Variants in SMCO4 observed in about 807,000 individuals in gnomAD.
SMCO4 encodes the protein single-pass membrane and coiled-coil domain-containing protein 4.
SMCO4 carries 4 observed loss-of-function variants against 3.6 expected under a neutral mutation model. The ratio of observed to expected loss-of-function variants is 1.11; its 90% CI spans 0.54 to 2.53. The LOEUF is 2.53. Among genes scored for constraint, SMCO4 ranks in the 30% most tolerant of loss-of-function variants. SMCO4 has a pLI of 0.02. For missense variants in SMCO4, 70 were observed against 80.8 expected, an observed-to-expected ratio of 0.87 and a Z score of 0.51; for synonymous variants, 36 against 35.3, an observed-to-expected ratio of 1.02 and a Z score of -0.07.
chr11:93,524,030 C>T (rs1247992727), intron 1 of SMCO4, among the ~76,000 whole-genome samples: 1 of 152,154 alleles, frequency 6.6e-6, no homozygotes, highest in Non-Finnish European at 1.5e-5. Flanking sequence ...TACTAATGCC[C>T]TTCAGGGGAG....
intron 1 of SMCO4, among the ~76,000 whole-genome samples, chr11:93,518,677 G>A (rs1949030881): frequency 6.6e-6 from 1 of 152,186 alleles, no homozygotes; most frequent in Non-Finnish European, 1.5e-5. Context: ...AATCCAAACA[G>A]TACACTTCTA....
intron 2 of SMCO4, among the ~76,000 whole-genome samples, chr11:93,486,359 G>A (rs1215671859): frequency 6.6e-6 from 1 of 152,122 alleles, no homozygotes; most frequent in Non-Finnish European, 1.5e-5. Context: ...TGGACCAATG[G>A]GACACAGATC....
chr11:93,540,501 G>A (rs747186982), intron 1 of SMCO4, among the ~76,000 whole-genome samples: 9 of 152,192 alleles, frequency 5.9e-5, no homozygotes, highest in Non-Finnish European at 8.8e-5. Flanking sequence ...TAGGGAGCCC[G>A]TTAAGAGTTT....
At chr11:93,497,800 G>A (rs762939635) in intron 2 of SMCO4, among the ~76,000 whole-genome samples, 7 of 152,184 alleles carry the variant, frequency 4.6e-5, no homozygotes, top group Admixed American at 1.3e-4. Context: ...AAAATCTGCC[G>A]ACGTGTGTCA....
intron 1 of SMCO4, among the ~76,000 whole-genome samples, chr11:93,503,070 T>A (rs900564097): frequency 3.9e-5 from 6 of 152,044 alleles, no homozygotes; most frequent in Admixed American, 3.9e-4. Flanking sequence ...GGCTCCAGAG[T>A]CCATTGTCTA....
At chr11:93,487,976 GC>G (rs796981805) in intron 2 of SMCO4, among the ~76,000 whole-genome samples, 1 of 152,246 alleles carries the variant, frequency 6.6e-6, no homozygotes, top group African/African-American at 2.4e-5. Flanking sequence ...AACAAAACAA[GC>G]AAAAATGTTG....
chr11:93,552,487 T>TTATTATTA, the SMCO4 span, among the ~76,000 whole-genome samples: 1 of 78,808 alleles, frequency 1.3e-5, no homozygotes, highest in Non-Finnish European at 3.0e-5. Flanking sequence ...TATTATTATT[T>TTATTATTA]TTGAGACAGA....
chr11:93,489,795 C>T (rs993929015), intron 2 of SMCO4, among the ~76,000 whole-genome samples: 7 of 150,530 alleles, frequency 4.7e-5, no homozygotes, highest in Non-Finnish European at 7.4e-5. Context: ...CCCCCCACAC[C>T]TCTCCCCCTC....
upstream of SMCO4, among the ~76,000 whole-genome samples, chr11:93,546,521 C>G (rs1309328325): frequency 6.6e-6 from 1 of 152,118 alleles, no homozygotes; most frequent in Admixed American, 6.5e-5. Flanking sequence ...CACGAAACAT[C>G]AGAGATGGAG....
chr11:93,535,082 C>T (rs948260768), intron 1 of SMCO4, among the ~76,000 whole-genome samples: 1 of 152,340 alleles, frequency 6.6e-6, no homozygotes, highest in East Asian at 1.9e-4. Flanking sequence ...CCCCAGTCTC[C>T]AATCCACGCC....
At position 93,535,089 on chromosome 11, in the gene SMCO4, C is replaced by T. The variant is rs144781958; in HGVS notation, c.-154+8187G>A. On this transcript the variant is annotated intron_variant, in intron 1 of 2. Transcript: ENST00000298966. ...GTGCCCCTCCCCAGTCTCCAATCCACGCCTCAGCAGCACAGGACAGACTGA... is the reference window on the plus strand; with the variant it reads ...GTGCCCCTCCCCAGTCTCCAATCCATGCCTCAGCAGCACAGGACAGACTGA... Among the ~76,000 whole-genome samples, 148 of 152,322 alleles carry T rather than the reference C, an allele frequency of 9.7e-4. 1 individual carries two copies. The East Asian group carries it at 0.021, about 22-fold the overall frequency.
At position 93,478,713 on chromosome 11, in the gene SMCO4, G is replaced by GCACACACACACACACACACA. The variant is rs58177836; in HGVS notation, c.*277_*296dup. 1 of 222,464 alleles carries GCACACACACACACACACACA rather than the reference G, an allele frequency of 4.5e-6. No homozygotes were observed. The highest frequency in any genetic ancestry group is 7.9e-6 in the Non-Finnish European group (1 of 125,966). 13.8% of individuals were successfully genotyped at this position (222,464 alleles called of 1,614,324 possible). ...ATCGATTTTTAGGAGAGAAAAAGAA[G>GCACACACACACACACACACA]CACACACACACACACACACACACAC... is the stretch of plus-strand genomic sequence containing the variant. On this transcript the variant is annotated 3_prime_UTR_variant, in exon 3 of 3. Transcript: ENST00000298966.
chr11:93,533,710 A>G (rs186439397), intron 1 of SMCO4, among the ~76,000 whole-genome samples: 1 of 151,958 alleles, frequency 6.6e-6, no homozygotes, highest in Non-Finnish European at 1.5e-5. Context: ...GAACATCCCA[A>G]CTCAACTCTC....
intron 1 of SMCO4, among the ~76,000 whole-genome samples, chr11:93,532,353 G>A (rs1949171388): frequency 6.6e-6 from 1 of 152,214 alleles, no homozygotes; most frequent in African/African-American, 2.4e-5. Context: ...ATTTGAATCA[G>A]GCAACTGAGT....
At chr11:93,545,406 G>A (rs1392555105), upstream of SMCO4, among the ~76,000 whole-genome samples, 2 of 151,656 alleles carry the variant, frequency 1.3e-5, no homozygotes, top group East Asian at 1.9e-4. Flanking sequence ...TGGCCAACAC[G>A]ATGAACCCCG....
At position 93,543,356 on chromosome 11, in the gene SMCO4, C is replaced by T. The variant is rs1273335995; in HGVS notation, c.-234G>A. ...GGCCGCCGCCGCTTGCGCTCCCCGC[C>T]TCGCCTCTCCTCTCGGCGCCCGCGC... On this transcript the variant is annotated 5_prime_UTR_variant, in exon 1 of 3. Transcript: ENST00000298966. The T allele has an allele frequency of 6.6e-6, 1 of 152,208 alleles. No homozygotes were observed. Among genetic ancestry groups the T allele is most frequent in the Non-Finnish European group, 1.5e-5 (1 of 67,850 alleles). 9.4% of individuals were successfully genotyped at this position (152,208 alleles called of 1,614,324 possible).
intron 1 of SMCO4, among the ~76,000 whole-genome samples, chr11:93,533,149 G>T (rs1657221236): frequency 6.6e-6 from 1 of 152,162 alleles, no homozygotes; most frequent in Admixed American, 6.5e-5. Context: ...AATACTGACT[G>T]CCACACCAGT....
intron 2 of SMCO4, among the ~76,000 whole-genome samples, chr11:93,480,198 A>G (rs1033324104): frequency 6.6e-6 from 1 of 152,218 alleles, no homozygotes; most frequent in African/African-American, 2.4e-5. Context: ...TTCCCAGAAA[A>G]GCCAAAGAAC....
chr11:93,538,253 G>A (rs1275598760), intron 1 of SMCO4, among the ~76,000 whole-genome samples: 1 of 152,190 alleles, frequency 6.6e-6, no homozygotes, highest in Non-Finnish European at 1.5e-5. Flanking sequence ...TCCTCTTGGG[G>A]CTGGCCATTA....
Sources: allele counts gnomAD v4.1 joint callset (sites outside exome capture counted in the v4.1 genomes callset), GRCh38; gene constraint gnomAD v4.1.1; transcripts MANE v1.5; gene names NCBI Gene and HGNC (gene_info 2026-07-23, HGNC 2026-07-21).